The following CCDC7 variants were observed in gnomAD, a reference collection of about 807,000 sequenced individuals.
The protein encoded by CCDC7 is coiled-coil domain-containing protein 7.
CCDC7 carries 183 observed loss-of-function variants against 196.9 expected under a neutral mutation model. That is an observed-to-expected ratio of 0.93 (90% CI 0.82 to 1.05). The LOEUF (loss-of-function observed/expected upper bound fraction) is 1.05. CCDC7 is among the 50% of genes least tolerant of loss of function. The pLI is 0.00. For synonymous variants in CCDC7, 525 were observed against 484.6 expected (o/e 1.08, Z -1.10); for missense variants, 1,540 against 1,482.2 (o/e 1.04, Z -0.64).
intron 28 of CCDC7, among the ~76,000 whole-genome samples, chr10:32,739,127 A>T (rs980612741): frequency 6.6e-6 from 1 of 151,956 alleles, no homozygotes; most frequent in Non-Finnish European, 1.5e-5. Context: ...CATTTTTGCT[A>T]TTGACCATTT....
intron 29 of CCDC7, among the ~76,000 whole-genome samples, chr10:32,781,723 G>A (rs759067183): frequency 2.6e-5 from 4 of 152,126 alleles, no homozygotes; most frequent in Non-Finnish European, 5.9e-5. Context: ...GATTAAAAAT[G>A]TTTTCCTTAA....
At chr10:32,700,751 T>A (rs1158912343) in intron 24 of CCDC7, among the ~76,000 whole-genome samples, 1 of 152,240 alleles carries the variant, frequency 6.6e-6, no homozygotes, top group Non-Finnish European at 1.5e-5. Flanking sequence ...TTTGTAGTTC[T>A]CCTTGAAGAG....
chr10:32,612,246 T>C (rs1037805018), intron 18 of CCDC7, among the ~76,000 whole-genome samples: 2 of 152,336 alleles, frequency 1.3e-5, no homozygotes, highest in Admixed American at 6.5e-5. Flanking sequence ...ATAGGAAAGC[T>C]TGTGATTTTT....
intron 13 of CCDC7, among the ~76,000 whole-genome samples, chr10:32,559,427 T>C (rs543339925): frequency 2.0e-5 from 3 of 152,158 alleles, no homozygotes; most frequent in Non-Finnish European, 4.4e-5. Flanking sequence ...CACCCCCCAG[T>C]AGGGGCAGAC....
intron 23 of CCDC7, among the ~76,000 whole-genome samples, chr10:32,689,613 G>C (rs1234571226): frequency 6.6e-6 from 1 of 152,102 alleles, no homozygotes; most frequent in Admixed American, 6.6e-5. Context: ...GCATCCTTTT[G>C]GTCATGGCCC....
chr10:32,755,595 C>A (rs1461696468), intron 28 of CCDC7, among the ~76,000 whole-genome samples: 1 of 152,148 alleles, frequency 6.6e-6, no homozygotes, highest in Non-Finnish European at 1.5e-5. Context: ...AAAACCCCAT[C>A]TGTATGTCAC....
At chr10:32,520,840 G>A (rs2047772537) in intron 11 of CCDC7, among the ~76,000 whole-genome samples, 1 of 152,068 alleles carries the variant, frequency 6.6e-6, no homozygotes, top group Non-Finnish European at 1.5e-5. Context: ...TCTTGGAGTA[G>A]TGTCATCATT....
intron 18 of CCDC7, among the ~76,000 whole-genome samples, chr10:32,588,426 G>A (rs1251443872): frequency 1.3e-5 from 2 of 151,990 alleles, no homozygotes; most frequent in Admixed American, 6.6e-5. Flanking sequence ...TGATCATGTG[G>A]CTTTTTCCAT....
intron 29 of CCDC7, among the ~76,000 whole-genome samples, chr10:32,792,610 G>A (rs924592297): frequency 2.0e-5 from 3 of 152,134 alleles, no homozygotes; most frequent in Non-Finnish European, 4.4e-5. Context: ...AGACCACCCT[G>A]GCCAACATGG....
intron 8 of CCDC7, among the ~76,000 whole-genome samples, chr10:32,482,544 A>T (rs2040177974): frequency 6.6e-6 from 1 of 152,140 alleles, no homozygotes; most frequent in African/African-American, 2.4e-5. Context: ...CATGTGCACA[A>T]CGTGCAGGTT....
At chr10:32,709,333 G>A (rs557357811) in intron 24 of CCDC7, among the ~76,000 whole-genome samples, 1 of 111,020 alleles carries the variant, frequency 9.0e-6, no homozygotes, top group East Asian at 3.3e-4. Flanking sequence ...GGTGGGGGGA[G>A]GGGGGAGGGA....
At chr10:32,624,615 T>C (rs918937406) in intron 18 of CCDC7, among the ~76,000 whole-genome samples, 8 of 152,166 alleles carry the variant, frequency 5.3e-5, no homozygotes, top group African/African-American at 1.7e-4. Flanking sequence ...TTCTTATCCA[T>C]AGAGTCATCT....
At chr10:32,800,557 A>T (rs2084576399) in intron 29 of CCDC7, among the ~76,000 whole-genome samples, 1 of 152,168 alleles carries the variant, frequency 6.6e-6, no homozygotes, top group African/African-American at 2.4e-5. Flanking sequence ...CCCGGAATCA[A>T]TGTCAGCTCA....
chr10:32,447,975 A>G (rs989219934), upstream of CCDC7, among the ~76,000 whole-genome samples: 2 of 152,180 alleles, frequency 1.3e-5, no homozygotes, highest in African/African-American at 4.8e-5. Context: ...TTTATTTACT[A>G]TTATCATCAG....
At chr10:32,683,851 A>C (rs938837525) in intron 21 of CCDC7, among the ~76,000 whole-genome samples, 1 of 152,142 alleles carries the variant, frequency 6.6e-6, no homozygotes, top group Non-Finnish European at 1.5e-5. Context: ...GGCCCTGCTT[A>C]GTAAGGAGTA....
At chr10:32,491,758 G>C (rs1423709814) in intron 8 of CCDC7, among the ~76,000 whole-genome samples, 164 bp from the exon 10 acceptor site, 1 of 152,082 alleles carries the variant, frequency 6.6e-6, no homozygotes, top group Non-Finnish European at 1.5e-5. Flanking sequence ...TTAATAAAAT[G>C]GTAGCTATTC....
At chr10:32,489,006 G>C (rs1323162685) in intron 8 of CCDC7, among the ~76,000 whole-genome samples, 1 of 152,152 alleles carries the variant, frequency 6.6e-6, no homozygotes, top group Non-Finnish European at 1.5e-5. Flanking sequence ...CAAGGCTGTA[G>C]GTATCTGCAA....
chr10:32,518,108 T>C, intron 10 of CCDC7, 133 bp downstream of exon 11: 1 of 1,160,104 alleles, frequency 8.6e-7, no homozygotes, highest in Non-Finnish European at 1.2e-6. Flanking sequence ...TTTGTATGCA[T>C]ATGTGAACTT....
At chr10:32,852,542 G>A (rs1057465525) in intron 40 of CCDC7, among the ~76,000 whole-genome samples, 2 of 152,022 alleles carry the variant, frequency 1.3e-5, no homozygotes, top group African/African-American at 4.8e-5. Context: ...GAGTGCAGTG[G>A]CATGATCTTG....
Sources: allele counts gnomAD v4.1 joint callset (sites outside exome capture counted in the v4.1 genomes callset), GRCh38; gene constraint gnomAD v4.1.1; transcripts MANE v1.5; gene names NCBI Gene and HGNC (gene_info 2026-07-23, HGNC 2026-07-21).